Variants in PBLD observed in about 807,000 individuals in gnomAD.
PBLD encodes phenazine biosynthesis-like domain-containing protein.
A neutral mutation model predicts 31.3 loss-of-function variants in PBLD; 26 were observed. The observed-to-expected ratio is 0.83, with a 90% confidence interval of 0.61 to 1.15. The LOEUF (loss-of-function observed/expected upper bound fraction) is 1.15. Ranked by LOEUF, PBLD falls within the 50% of genes most tolerant of loss-of-function variation. The pLI is 0.00. For synonymous variants in PBLD, 114 were observed against 129.0 expected (o/e 0.88, Z 0.79); for missense variants, 307 against 351.7 (o/e 0.87, Z 1.02).
At position 68,288,737 on chromosome 10, in the gene PBLD, C is replaced by A; in HGVS notation, c.513-76G>T. The A allele has an allele frequency of 5.4e-6, 8 of 1,494,732 alleles. No individual in the cohort carries two copies. The South Asian group carries it at 9.8e-5, about 18-fold the overall frequency. 92.6% of individuals were successfully genotyped at this position (1,494,732 alleles called of 1,614,324 possible). On this transcript the variant is annotated intron_variant, in intron 7 of 9. Transcript: ENST00000358769. ...ACCACACAGACTCTGTGAAGCAGGC[C>A]AGGGTGCAGCTTGCTCAAAGAGCTT... is the stretch of plus-strand genomic sequence containing the variant.
chr10:68,323,613 A>G (rs1423229807), intron 1 of PBLD, among the ~76,000 whole-genome samples: 1 of 152,216 alleles, frequency 6.6e-6, no homozygotes, highest in Non-Finnish European at 1.5e-5. Flanking sequence ...AGCTGCCCCA[A>G]GATTTCTGAT....
rs879768851 is a variant in PBLD at position 68,283,218 on chromosome 10, T to C, written c.*959A>G. The C allele has an allele frequency of 5.3e-5, 8 of 152,152 alleles. No individual in the cohort carries two copies. The highest frequency in any genetic ancestry group is 1.0e-4 in the Non-Finnish European group (7 of 68,028). The allele number at this position is 152,152 out of a possible 1,614,324, so 9.4% of individuals were successfully genotyped here. A position where few individuals can be genotyped will look rare whatever the true frequency, so the allele number is the denominator to read the frequency against. On this transcript the variant is annotated 3_prime_UTR_variant, in exon 10 of 10. Transcript: ENST00000358769. Reference sequence around the variant, plus strand: ...TTACTTTGAGTGTTTAATTTCACTATGACAGGAAGTAGCCTAATACATACT... The same window carrying C: ...TTACTTTGAGTGTTTAATTTCACTACGACAGGAAGTAGCCTAATACATACT...
intron 8 of PBLD, among the ~76,000 whole-genome samples, chr10:68,286,618 C>T (rs572772600): frequency 2.0e-3 from 300 of 152,208 alleles, no homozygotes; most frequent in Non-Finnish European, 3.7e-3. Context: ...GGATTATAGG[C>T]ATGAGCCACT....
chr10:68,309,251 G>T (rs2044626605), intron 1 of PBLD, among the ~76,000 whole-genome samples: 1 of 148,138 alleles, frequency 6.8e-6, no homozygotes, highest in African/African-American at 2.5e-5. Flanking sequence ...CCAAAAATAT[G>T]AAAAAATTAG....
intron 2 of PBLD, among the ~76,000 whole-genome samples, chr10:68,302,746 C>T (rs192018628): frequency 4.0e-5 from 6 of 151,382 alleles, no homozygotes; most frequent in South Asian, 2.1e-4. Context: ...GAGGTTGAGG[C>T]AGGCGGATAG....
At chr10:68,296,166 A>T in intron 4 of PBLD, 100 bp downstream of exon 4, 2 of 879,486 alleles carry the variant, frequency 2.3e-6, no homozygotes, top group Non-Finnish European at 1.8e-6. Flanking sequence ...CAGAGTCTTT[A>T]TACCAGTCAC....
intron 1 of PBLD, among the ~76,000 whole-genome samples, chr10:68,314,831 C>T (rs980808683): frequency 1.3e-4 from 19 of 151,782 alleles, no homozygotes; most frequent in Non-Finnish European, 2.4e-4. Flanking sequence ...ACTCTGTTGC[C>T]CAGGATGGAG....
At chr10:68,306,330 T>C (rs1036823998) in intron 2 of PBLD, among the ~76,000 whole-genome samples, 2 of 152,204 alleles carry the variant, frequency 1.3e-5, no homozygotes, top group African/African-American at 4.8e-5. Flanking sequence ...ATTTTCTTGA[T>C]CCTGAAAAGA....
Position 68,332,908 on chromosome 10 carries a change from G to A in PBLD, c.-184C>T, listed in dbSNP as rs977602216. On this transcript the variant is annotated 5_prime_UTR_variant, in exon 1 of 10. Transcript: ENST00000358769. ...TCCCAAATCCAGGACAAAGGAGGCAGACGGCCTCCTTTGTAATTCTGCCGC... is the reference window on the plus strand; with the variant it reads ...TCCCAAATCCAGGACAAAGGAGGCAAACGGCCTCCTTTGTAATTCTGCCGC... The A allele has an allele frequency of 3.9e-5, 6 of 152,242 alleles. No homozygotes were observed. Among genetic ancestry groups the A allele is most frequent in the Admixed American group, 1.3e-4 (2 of 15,286 alleles). The allele number at this position is 152,242 out of a possible 1,614,324, so 9.4% of individuals were successfully genotyped here.
At chr10:68,331,927 C>G (rs939844243) in intron 1 of PBLD, 3 of 152,328 alleles carry the variant, frequency 2.0e-5, no homozygotes, top group Non-Finnish European at 4.4e-5. Context: ...GCGCAACCCA[C>G]CACCGCGCAG....
chr10:68,322,886 C>A (rs746636371), intron 1 of PBLD, among the ~76,000 whole-genome samples: 92 of 151,948 alleles, frequency 6.1e-4, no homozygotes, highest in Admixed American at 1.0e-3. Flanking sequence ...AGGCACACAC[C>A]ACCACATCTG....
At chr10:68,328,416 C>T (rs369689354) in intron 1 of PBLD, among the ~76,000 whole-genome samples, 8 of 152,138 alleles carry the variant, frequency 5.3e-5, no homozygotes, top group African/African-American at 1.9e-4. Context: ...AGGCTCTGCA[C>T]GGAATTTTCC....
At chr10:68,318,159 G>A (rs1446457075) in intron 1 of PBLD, among the ~76,000 whole-genome samples, 11 of 148,594 alleles carry the variant, frequency 7.4e-5, no homozygotes, top group Non-Finnish European at 1.3e-4. Context: ...CCTGGGAGGC[G>A]GAGTTTGCAG....
chr10:68,293,431 A>C (rs1265161875), intron 4 of PBLD, among the ~76,000 whole-genome samples: 1 of 152,200 alleles, frequency 6.6e-6, no homozygotes, highest in Non-Finnish European at 1.5e-5. Context: ...GAAAACAAAG[A>C]ATGCTGACCC....
chr10:68,325,335 A>G (rs534002562), intron 1 of PBLD, among the ~76,000 whole-genome samples: 71 of 152,084 alleles, frequency 4.7e-4, no homozygotes, highest in African/African-American at 1.7e-3. Context: ...TGGCCAAGAG[A>G]GGTGGATCAC....
intron 1 of PBLD, among the ~76,000 whole-genome samples, chr10:68,307,297 T>C (rs2044594665): frequency 6.6e-6 from 1 of 152,174 alleles, no homozygotes; most frequent in Admixed American, 6.6e-5. Context: ...CAAAAAGTGC[T>C]GAGATTATAG....
chr10:68,296,267 T>G lies in PBLD; in HGVS notation c.282A>C (p.Ile94=), dbSNP rs1289542153. 6.2e-7 allele frequency: 1 copy of G among 1,606,978 alleles called. No individual in the cohort carries two copies. The highest frequency in any genetic ancestry group is 8.5e-7 in the Non-Finnish European group (1 of 1,175,586). ...LASAAVLFHK[I]KNMNSTLTFV... is the part of the protein sequence containing the mutation. ...ATTCATTAAAGAAAATCACATTACT[T>G]ATTTTGTGAAACAGCACAGCTGCAG... is the stretch of plus-strand genomic sequence containing the variant. The change falls in exon 4 of 10, where the codon ATA becomes ATC. Residue 94 remains isoleucine, a splice_region_variant and synonymous_variant. Transcript: ENST00000358769.
chr10:68,285,154 T>C, intron 9 of PBLD, 194 bp downstream of exon 9: 1 of 1,436,952 alleles, frequency 7.0e-7, no homozygotes, highest in Admixed American at 2.8e-5. Flanking sequence ...ACAGTCTCTG[T>C]ATGTTGGGGG....
intron 1 of PBLD, among the ~76,000 whole-genome samples, chr10:68,323,444 C>G (rs1018942841): frequency 6.6e-6 from 1 of 152,126 alleles, no homozygotes; most frequent in African/African-American, 2.4e-5. Context: ...TACCTGTAAT[C>G]CCAGCTACTC....
Sources: allele counts gnomAD v4.1 joint callset (sites outside exome capture counted in the v4.1 genomes callset), GRCh38; gene constraint gnomAD v4.1.1; transcripts MANE v1.5; gene names NCBI Gene and HGNC (gene_info 2026-07-23, HGNC 2026-07-21).